Variants in PCDH9 observed in about 807,000 individuals in gnomAD.
PCDH9 encodes protocadherin 9, also known as protocadherin-9.
A neutral mutation model predicts 70.6 loss-of-function variants in PCDH9; 24 were observed. The ratio of observed to expected loss-of-function variants is 0.34; its 90% CI spans 0.25 to 0.48. The LOEUF is 0.48. PCDH9 is among the 20% of genes least tolerant of loss of function. The pLI is 0.99. For missense variants in PCDH9, 1,281 were observed against 1,503.6 expected, an observed-to-expected ratio of 0.85 and a Z score of 2.45; for synonymous variants, 562 against 558.5, an observed-to-expected ratio of 1.01 and a Z score of -0.09.
intron 3 of PCDH9, among the ~76,000 whole-genome samples, chr13:66,758,930 C>T (rs2079579066): frequency 6.6e-6 from 1 of 152,104 alleles, no homozygotes; most frequent in Admixed American, 6.5e-5. Flanking sequence ...ATAATAATCT[C>T]TTACAAAACT....
chr13:66,360,203 T>C (rs1956446633), intron 4 of PCDH9, among the ~76,000 whole-genome samples: 1 of 152,082 alleles, frequency 6.6e-6, no homozygotes, highest in South Asian at 2.1e-4. Context: ...GATATTAGTG[T>C]GATCATTGAA....
chr13:66,980,742 G>GTTTTTTT (rs550869529), intron 2 of PCDH9, among the ~76,000 whole-genome samples: 1 of 107,384 alleles, frequency 9.3e-6, no homozygotes, highest in Admixed American at 1.1e-4. Flanking sequence ...TTTTTTTTTT[G>GTTTTTTT]TTTTTTTTTT....
At chr13:66,748,081 G>A (rs1426234092) in intron 3 of PCDH9, among the ~76,000 whole-genome samples, 1 of 152,096 alleles carries the variant, frequency 6.6e-6, no homozygotes, top group African/African-American at 2.4e-5. Context: ...GCACATTCAA[G>A]CAGAAAAACT....
chr13:66,464,570 C>G (rs532149566), intron 4 of PCDH9, among the ~76,000 whole-genome samples: 1 of 151,928 alleles, frequency 6.6e-6, no homozygotes, highest in South Asian at 2.1e-4. Flanking sequence ...CTGAAGCAGC[C>G]CAACTCTATG....
intron 3 of PCDH9, among the ~76,000 whole-genome samples, chr13:66,670,457 A>T (rs939207346): frequency 6.6e-6 from 1 of 152,216 alleles, no homozygotes; most frequent in African/African-American, 2.4e-5. Flanking sequence ...TATGGACATC[A>T]TCATCTTAAT....
intron 3 of PCDH9, among the ~76,000 whole-genome samples, chr13:66,806,716 A>G (rs2080416336): frequency 6.6e-6 from 1 of 152,170 alleles, no homozygotes; most frequent in African/African-American, 2.4e-5. Context: ...TAAAATTGGG[A>G]TAATAATATT....
At chr13:66,621,697 C>CA (rs1016999941) in intron 4 of PCDH9, among the ~76,000 whole-genome samples, 1 of 152,080 alleles carries the variant, frequency 6.6e-6, no homozygotes, top group African/African-American at 2.4e-5. Flanking sequence ...CAAAGACAAA[C>CA]AAAAAACAAA....
intron 3 of PCDH9, among the ~76,000 whole-genome samples, chr13:66,682,567 T>C (rs2078343125): frequency 6.6e-6 from 1 of 152,134 alleles, no homozygotes; most frequent in Non-Finnish European, 1.5e-5. Context: ...AAAAAGAGCA[T>C]CCTCCTTTCT....
intron 3 of PCDH9, among the ~76,000 whole-genome samples, chr13:66,663,350 A>G (rs2078045035): frequency 6.6e-6 from 1 of 152,216 alleles, no homozygotes; most frequent in Admixed American, 6.5e-5. Context: ...TATGAAGGCA[A>G]AAAAACCTGG....
intron 3 of PCDH9, among the ~76,000 whole-genome samples, chr13:66,651,348 C>G (rs2077849319): frequency 6.6e-6 from 1 of 151,648 alleles, no homozygotes; most frequent in African/African-American, 2.4e-5. Context: ...ACAACAGAAT[C>G]AAAGATCTAG....
intron 2 of PCDH9, among the ~76,000 whole-genome samples, chr13:66,938,271 T>C (rs1044105232): frequency 2.0e-5 from 3 of 152,178 alleles, no homozygotes; most frequent in African/African-American, 2.4e-5. Context: ...AAAATAATTA[T>C]AGTTACATAG....
chr13:66,989,418 T>C (rs1163739553), intron 2 of PCDH9, among the ~76,000 whole-genome samples: 1 of 151,984 alleles, frequency 6.6e-6, no homozygotes, highest in African/African-American at 2.4e-5. Context: ...AAATTTAATT[T>C]CATCTTTCCA....
intron 4 of PCDH9, among the ~76,000 whole-genome samples, chr13:66,520,643 T>G (rs1326819386): frequency 6.6e-6 from 1 of 152,216 alleles, no homozygotes; most frequent in Non-Finnish European, 1.5e-5. Context: ...ATCCTGTGTA[T>G]TCACAGGATG....
intron 3 of PCDH9, among the ~76,000 whole-genome samples, chr13:66,690,252 A>G (rs2078463393): frequency 6.6e-6 from 1 of 152,202 alleles, no homozygotes. Context: ...TCATCACGAT[A>G]TAGCAGGTAG....
chr13:67,216,070 A>C (rs1253283380), intron 2 of PCDH9: 1 of 152,198 alleles, frequency 6.6e-6, no homozygotes, highest in African/African-American at 2.4e-5. Context: ...GAGAGGATGC[A>C]CAGTCCCTGC....
At chr13:67,147,385 A>G (rs1463220308) in intron 2 of PCDH9, among the ~76,000 whole-genome samples, 4 of 152,210 alleles carry the variant, frequency 2.6e-5, no homozygotes, top group Non-Finnish European at 5.9e-5. Context: ...GGAAGTACAC[A>G]TCGCAGATAT....
At chr13:67,169,221 G>A (rs1045487878) in intron 2 of PCDH9, among the ~76,000 whole-genome samples, 9 of 152,174 alleles carry the variant, frequency 5.9e-5, no homozygotes, top group Non-Finnish European at 1.2e-4. Context: ...GTGCAAATAT[G>A]AAGCCAGAAC....
chr13:66,789,614 A>T (rs2080132728), intron 3 of PCDH9, among the ~76,000 whole-genome samples: 1 of 151,936 alleles, frequency 6.6e-6, no homozygotes, highest in Non-Finnish European at 1.5e-5. Flanking sequence ...ATACTTTATG[A>T]CTCTATATTC....
rs375688529 is a variant in PCDH9, at chr13:66,330,945, G to T, written c.3341-25917C>A. ...GCTATGAAATTTGTTGAGAATAAAT[G>T]TGTGTTGCAGGATATTTTATTTATG... On this transcript the variant is annotated intron_variant, in intron 4 of 4. Transcript: ENST00000377865. Among the ~76,000 whole-genome samples the T allele has an allele frequency of 1.4e-4, 22 of 152,272 alleles. No homozygotes were observed. In the East Asian group the frequency reaches 4.1e-3, roughly 28 times the overall value.
Sources: gnomAD v4.1 joint callset for allele counts (sites outside exome capture counted in the v4.1 genomes callset) on GRCh38, gnomAD v4.1.1 for gene constraint, MANE v1.5 for transcripts, NCBI Gene and HGNC (gene_info 2026-07-23, HGNC 2026-07-21) for gene names.